PLXNA4: variants seen among roughly 807,000 people sequenced by gnomAD.
PLXNA4 encodes plexin-A4.
Under a neutral mutation model 191.8 loss-of-function variants are expected in PLXNA4, and 44 were observed. The observed-to-expected ratio is 0.23, with a 90% CI of 0.18 to 0.29. The LOEUF is 0.29. Ranked by LOEUF, PLXNA4 falls within the 10% of genes least tolerant of loss-of-function variation. The probability of loss-of-function intolerance (pLI) is 1.00; values close to 1 mark genes in which losing one functional copy is unlikely to be tolerated. For missense variants in PLXNA4, 1,800 were observed against 2,488.8 expected (o/e 0.72, Z 5.89); for synonymous variants, 1,082 against 1,009.5 (o/e 1.07, Z -1.36).
intron 3 of PLXNA4, among the ~76,000 whole-genome samples, chr7:132,348,871 G>T (rs909310293): frequency 1.3e-5 from 2 of 152,184 alleles, no homozygotes; most frequent in African/African-American, 4.8e-5. Flanking sequence ...CTGTTACTAT[G>T]CTATGGGAGA....
At chr7:132,540,569 C>CTTTTTTTT (rs71915138) in intron 1 of PLXNA4, among the ~76,000 whole-genome samples, 1,102 of 60,982 alleles carry the variant, frequency 0.018, 301 homozygotes, top group South Asian at 0.021. Context: ...GTGGACCGTT[C>CTTTTTTTT]TTTTTTTTTT....
At chr7:132,531,137 A>T (rs1799601624) in intron 1 of PLXNA4, among the ~76,000 whole-genome samples, 1 of 152,234 alleles carries the variant, frequency 6.6e-6, no homozygotes, top group Admixed American at 6.5e-5. Flanking sequence ...AAAGTTCTGC[A>T]GATGGATGAC....
chr7:132,130,750 T>C (rs1018954806), intron 31 of PLXNA4, among the ~76,000 whole-genome samples, 176 bp from the exon 32 acceptor site: 2 of 152,148 alleles, frequency 1.3e-5, no homozygotes, highest in Non-Finnish European at 2.9e-5. Context: ...CAGGAAGTTG[T>C]GGCAGGCATA....
rs139074187 is a variant in PLXNA4, at chr7:132,478,792, G to T, written c.1371+10500C>A. ...CTTCAACATCATTCTGGCCTCTCAG[G>T]TCCAACAATACCTGGGAACACTCAG... On this transcript the variant is annotated intron_variant, in intron 3 of 31. Transcript: ENST00000321063. Among the ~76,000 whole-genome samples, 430 of 152,106 alleles carry T rather than the reference G, an allele frequency of 2.8e-3. 3 individuals are homozygous for T. Among genetic ancestry groups the T allele is most frequent in the South Asian group, 8.3e-3 (40 of 4,804 alleles).
intron 3 of PLXNA4, among the ~76,000 whole-genome samples, chr7:132,300,780 C>A (rs1259204587): frequency 1.3e-5 from 2 of 152,252 alleles, no homozygotes; most frequent in Non-Finnish European, 1.5e-5. Context: ...ATACTGAATG[C>A]CCTGGCTGGT....
intron 2 of PLXNA4, among the ~76,000 whole-genome samples, chr7:132,597,630 A>G (rs1365328180): frequency 6.6e-6 from 1 of 151,580 alleles, no homozygotes; most frequent in Non-Finnish European, 1.5e-5. Context: ...TATTCCCTTT[A>G]TTTCCCTTTC....
chr7:132,290,767 A>G (rs1800855781), intron 4 of PLXNA4, among the ~76,000 whole-genome samples: 1 of 152,154 alleles, frequency 6.6e-6, no homozygotes, highest in Non-Finnish European at 1.5e-5. Context: ...TTAAATCATG[A>G]CAAAATGACA....
At chr7:132,529,900 T>C (rs116509160) in intron 1 of PLXNA4, among the ~76,000 whole-genome samples, 5,211 of 152,228 alleles carry the variant, frequency 0.034, 236 homozygotes, top group African/African-American at 0.1. Context: ...CCACCGCGCC[T>C]GGCCCCCCTA....
intron 5 of PLXNA4, among the ~76,000 whole-genome samples, chr7:132,232,597 A>G (rs1468916613): frequency 6.6e-6 from 1 of 152,146 alleles, no homozygotes; most frequent in Non-Finnish European, 1.5e-5. Flanking sequence ...GAAAGGCTCT[A>G]GGGCCCCTGG....
In PLXNA4 at chr7:132,165,179, C is replaced by T; in HGVS notation, c.4308G>A (p.Lys1436=). 1 of 1,613,542 alleles carries T rather than the reference C, an allele frequency of 6.2e-7. No individual in the cohort carries two copies. Among genetic ancestry groups the T allele is most frequent in the Non-Finnish European group, 8.5e-7 (1 of 1,179,604 alleles). The change falls in exon 23 of 32, where the codon AAG becomes AAA. Residue 1436 remains lysine, a synonymous_variant. Transcript: ENST00000321063. ...GGAAAGTAAACCAATTGGTCAGCATCTTCTCAGCCACTGACTCAGTCCTGT... is the reference window on the plus strand; with the variant it reads ...GGAAAGTAAACCAATTGGTCAGCATTTTCTCAGCCACTGACTCAGTCCTGT... ...LLRRTESVAE[K]MLTNWFTFLL...
chr7:132,160,047 C>T (rs562006097), intron 24 of PLXNA4, among the ~76,000 whole-genome samples: 134 of 152,266 alleles, frequency 8.8e-4, no homozygotes, highest in African/African-American at 2.8e-3. Flanking sequence ...ACACCCAGAC[C>T]CTCGCCCACT....
At chr7:132,540,879 G>A (rs1585302961) in intron 1 of PLXNA4, among the ~76,000 whole-genome samples, 1 of 152,180 alleles carries the variant, frequency 6.6e-6, no homozygotes, top group African/African-American at 2.4e-5. Flanking sequence ...GAGCCACCGC[G>A]CCCGGCCTGG....
intron 2 of PLXNA4, among the ~76,000 whole-genome samples, chr7:132,493,555 G>T (rs903568029): frequency 6.6e-6 from 1 of 152,044 alleles, no homozygotes; most frequent in Non-Finnish European, 1.5e-5. Context: ...GAATGCATGG[G>T]GTACAAATTA....
intron 3 of PLXNA4, among the ~76,000 whole-genome samples, chr7:132,345,871 G>T (rs1803225801): frequency 6.6e-6 from 1 of 152,128 alleles, no homozygotes; most frequent in East Asian, 1.9e-4. Flanking sequence ...TCCCAGGCCA[G>T]CACAGCCGTT....
At chr7:132,479,359 G>A (rs1457283423) in intron 3 of PLXNA4, among the ~76,000 whole-genome samples, 1 of 152,072 alleles carries the variant, frequency 6.6e-6, no homozygotes, top group African/African-American at 2.4e-5. Flanking sequence ...GGAAGGGAGA[G>A]CCTGTGAGGT....
At chr7:132,560,232 G>A (rs373758467) in intron 1 of PLXNA4, among the ~76,000 whole-genome samples, 22 of 152,258 alleles carry the variant, frequency 1.4e-4, no homozygotes, top group Non-Finnish European at 2.4e-4. Flanking sequence ...GGCACGCACC[G>A]AGGAAGGGAA....
chr7:132,383,238 C>T (rs1350453763), intron 3 of PLXNA4, among the ~76,000 whole-genome samples: 5 of 152,118 alleles, frequency 3.3e-5, no homozygotes, highest in Admixed American at 6.5e-5. Context: ...CGAGAAAAGA[C>T]CCCCTCACTG....
At chr7:132,535,186 T>C (rs1007417046) in intron 1 of PLXNA4, among the ~76,000 whole-genome samples, 4 of 152,206 alleles carry the variant, frequency 2.6e-5, no homozygotes, top group Non-Finnish European at 5.9e-5. Flanking sequence ...AAATCAAAAC[T>C]ATGAAGACTA....
At chr7:132,382,912 T>C (rs1804956459) in intron 3 of PLXNA4, among the ~76,000 whole-genome samples, 1 of 152,218 alleles carries the variant, frequency 6.6e-6, no homozygotes, top group East Asian at 1.9e-4. Flanking sequence ...CAAATGTAGT[T>C]ATATATTATG....
Sources: gnomAD v4.1 joint callset for allele counts (sites outside exome capture counted in the v4.1 genomes callset) on GRCh38, gnomAD v4.1.1 for gene constraint, MANE v1.5 for transcripts, NCBI Gene and HGNC (gene_info 2026-07-23, HGNC 2026-07-21) for gene names.